Variants in NUP155 observed in about 807,000 individuals in gnomAD.
NUP155 encodes nuclear pore complex protein Nup155.
A neutral mutation model predicts 180.4 loss-of-function variants in NUP155; 71 were observed. The ratio of observed to expected loss-of-function variants is 0.39; its 90% CI spans 0.33 to 0.48. NUP155 has a LOEUF of 0.48. Ranked by LOEUF, NUP155 falls within the 20% of genes least tolerant of loss-of-function variation. The probability of loss-of-function intolerance (pLI) is 0.91; values close to 1 mark genes in which losing one functional copy is unlikely to be tolerated. For synonymous variants in NUP155, 582 were observed against 559.5 expected (o/e 1.04, Z -0.57); for missense variants, 1,553 against 1,648.9 (o/e 0.94, Z 1.01).
At chr5:37,339,455 C>A (rs1745569653) in intron 11 of NUP155, among the ~76,000 whole-genome samples, 1 of 152,038 alleles carries the variant, frequency 6.6e-6, no homozygotes, top group Non-Finnish European at 1.5e-5. Flanking sequence ...TGGTGAAACC[C>A]CGTCTCTACA....
chr5:37,341,027 C>T, intron 11 of NUP155, 63 bp downstream of exon 11: 1 of 1,334,168 alleles, frequency 7.5e-7, no homozygotes. Flanking sequence ...TACTTCACAA[C>T]ACCATATAAT....
chr5:37,347,827 C>T (rs577556928), intron 9 of NUP155, among the ~76,000 whole-genome samples: 1 of 151,994 alleles, frequency 6.6e-6, no homozygotes, highest in East Asian at 2.0e-4. Context: ...ATGGCGAAAC[C>T]CAATCTCTAC....
At chr5:37,319,437 A>G (rs977442934) in intron 20 of NUP155, among the ~76,000 whole-genome samples, 30 of 152,364 alleles carry the variant, frequency 2.0e-4, no homozygotes, top group Non-Finnish European at 5.9e-5. Context: ...TAGGACATGT[A>G]TTAACTCTAT....
Position 37,330,799 on chromosome 5 carries a change from A to G in NUP155, c.1630-667T>C, listed in dbSNP as rs145645030. On this transcript the variant is annotated intron_variant, in intron 14 of 34. Coordinates refer to ENST00000231498, the MANE Select transcript of NUP155 (RefSeq NM_153485.3). Reference sequence around the variant, plus strand: ...TAAATGTCTTGTGCTTTTAATGAAAAGGCATTTATCATATAACCTGAACAA... The same window carrying G: ...TAAATGTCTTGTGCTTTTAATGAAAGGGCATTTATCATATAACCTGAACAA... Among the ~76,000 whole-genome samples, 12 of 152,332 alleles carry G rather than the reference A, an allele frequency of 7.9e-5. No individual in the cohort carries two copies. The East Asian group carries it at 2.3e-3, about 29-fold the overall frequency.
rs144851445 is a variant in NUP155, at chr5:37,298,961, T to G, written c.3700A>C (p.Thr1234Pro). The part of the protein sequence containing the change: ...IIEKELSDSV[T>P]LSSSDRMHAL... ...TGCATTCTATCCGAGGAGCTCAATG[T>G]CACACTGTCACTCAATTCTGTAACA... Residue 1234 changes from threonine (T) to proline (P), a missense_variant, in exon 32 of 35, where the codon ACA becomes CCA. Thr to Pro is a conservative substitution (Grantham distance 38). Coordinates refer to ENST00000231498, the MANE Select transcript of NUP155 (RefSeq NM_153485.3). The G allele has an allele frequency of 1.2e-6, 2 of 1,604,526 alleles. No individual in the cohort carries two copies. The highest frequency in any genetic ancestry group is 1.7e-6 in the Non-Finnish European group (2 of 1,171,338).
At chr5:37,307,230 A>G in intron 25 of NUP155, 67 bp downstream of exon 25, 1 of 1,535,066 alleles carries the variant, frequency 6.5e-7, no homozygotes, top group Non-Finnish European at 8.9e-7. Context: ...ACAAAAAACA[A>G]AAAACATTAT....
chr5:37,365,752 T>TATATATATACACACACAC (rs1403169370), intron 1 of NUP155, among the ~76,000 whole-genome samples: 3 of 37,884 alleles, frequency 7.9e-5, no homozygotes, highest in African/African-American at 2.2e-4. Context: ...TATATATATA[T>TATATATATACACACACAC]ACACACACAC....
At chr5:37,292,608 CAA>C (rs1410494208) in intron 34 of NUP155, among the ~76,000 whole-genome samples, 1 of 152,022 alleles carries the variant, frequency 6.6e-6, no homozygotes, top group Admixed American at 6.6e-5. Context: ...AATAATATCA[CAA>C]AGACATAATT....
In NUP155 at chr5:37,324,100, C is replaced by T. The variant is rs1292382409; in HGVS notation, c.2099G>A (p.Ser700Asn). Residue 700 changes from serine to asparagine, a missense_variant, in exon 20 of 35, where the codon AGT (serine) becomes AAT (asparagine). Physicochemically the swap from Ser to Asn is conservative, Grantham distance 46 (BLOSUM62 1). Transcript: ENST00000231498. ...CTCTAGCAGTTGGCAGGGAACACTA[C>T]TTTCAATCTGTAAAAATGAAAGATT... ...SGNREITAIE[S>N]SVPCQLLESV... The T allele has an allele frequency of 5.6e-6, 9 of 1,606,458 alleles. No homozygotes were observed. The African/African-American group carries it at 6.7e-5, about 12-fold the overall frequency.
At chr5:37,340,409 C>T (rs947275388) in intron 11 of NUP155, among the ~76,000 whole-genome samples, 2 of 151,440 alleles carry the variant, frequency 1.3e-5, no homozygotes, top group Non-Finnish European at 2.9e-5. Flanking sequence ...TGTGCTACTG[C>T]ACTCCAGCCT....
At chr5:37,353,638 C>T (rs1746617517) in intron 4 of NUP155, among the ~76,000 whole-genome samples, 1 of 151,984 alleles carries the variant, frequency 6.6e-6, no homozygotes, top group Non-Finnish European at 1.5e-5. Context: ...CATGCTGTAA[C>T]ACAGATGAAC....
At chr5:37,345,312 C>T (rs1746004583) in intron 9 of NUP155, among the ~76,000 whole-genome samples, 1 of 151,602 alleles carries the variant, frequency 6.6e-6, no homozygotes, top group Non-Finnish European at 1.5e-5. Flanking sequence ...TCAAGACCAG[C>T]CTGGGCAACA....
chr5:37,344,297 G>A (rs1400647381), intron 9 of NUP155, among the ~76,000 whole-genome samples: 1 of 147,224 alleles, frequency 6.8e-6, no homozygotes, highest in Admixed American at 6.9e-5. Flanking sequence ...AGCCAAGATA[G>A]CACCATGGCA....
chr5:37,367,882 C>G (rs551194136), intron 1 of NUP155, among the ~76,000 whole-genome samples: 2 of 152,272 alleles, frequency 1.3e-5, no homozygotes, highest in African/African-American at 4.8e-5. Flanking sequence ...CTCCCTGGTT[C>G]AAGCGATTGT....
intron 27 of NUP155, among the ~76,000 whole-genome samples, chr5:37,303,812 G>C (rs1009179945): frequency 6.6e-6 from 1 of 151,478 alleles, no homozygotes; most frequent in Non-Finnish European, 1.5e-5. Flanking sequence ...GTGGTGGTGC[G>C]GGCCTATAGT....
chr5:37,312,857 T>C (rs563615258), intron 22 of NUP155, among the ~76,000 whole-genome samples: 1 of 149,874 alleles, frequency 6.7e-6, no homozygotes, highest in African/African-American at 2.5e-5. Context: ...GATCATGACA[T>C]TGTTGTTGTT....
rs368642612 is a variant in NUP155, at chr5:37,299,399, C to T, written c.3682+49G>A. On this transcript the variant is annotated intron_variant, in intron 31 of 34. Coordinates refer to ENST00000231498, the MANE Select transcript of NUP155 (RefSeq NM_153485.3). ...GTTACTAGCAGCTTGCATTCCTCCA[C>T]CAAGTCACTACATAACGTATGCTAA... is the stretch of plus-strand genomic sequence containing the variant. 18 of 1,610,168 alleles carry T rather than the reference C, an allele frequency of 1.1e-5. No individual in the cohort carries two copies. In the East Asian group the frequency reaches 2.0e-4, roughly 18 times the overall value.
chr5:37,296,408 G>C (rs1286285680), intron 32 of NUP155, among the ~76,000 whole-genome samples: 1 of 152,032 alleles, frequency 6.6e-6, no homozygotes, highest in African/African-American at 2.4e-5. Context: ...AACATGTGCT[G>C]TGTCCACTCA....
At chr5:37,348,712 T>C (rs1343169266) in intron 8 of NUP155, 116 bp from the exon 9 acceptor site, 1 of 726,612 alleles carries the variant, frequency 1.4e-6, no homozygotes, top group African/African-American at 1.8e-5. Context: ...ATGAAAACAT[T>C]CAGATTCGAA....
Sources: gnomAD v4.1 joint callset for allele counts (sites outside exome capture counted in the v4.1 genomes callset) on GRCh38, gnomAD v4.1.1 for gene constraint, MANE v1.5 for transcripts, NCBI Gene and HGNC (gene_info 2026-07-23, HGNC 2026-07-21) for gene names.